ZMPSTE24: variants seen among roughly 807,000 people sequenced by gnomAD.
The protein encoded by ZMPSTE24 is CAAX prenyl protease 1 homolog.
ZMPSTE24 carries 48 observed loss-of-function variants against 56.7 expected under a neutral mutation model. The ratio of observed to expected loss-of-function variants is 0.85; its 90% confidence interval spans 0.67 to 1.08. The LOEUF (loss-of-function observed/expected upper bound fraction) is 1.08, where lower values mean the gene tolerates loss of function less well. Among genes scored for constraint, ZMPSTE24 ranks in the 50% least tolerant of loss-of-function variants. ZMPSTE24 has a pLI of 0.00. For synonymous variants in ZMPSTE24, 172 were observed against 195.2 expected, an observed-to-expected ratio of 0.88 and a Z score of 0.99; for missense variants, 503 against 548.7, an observed-to-expected ratio of 0.92 and a Z score of 0.83.
chr1:40,287,095 C>T (rs1474666214), intron 8 of ZMPSTE24, among the ~76,000 whole-genome samples: 1 of 147,408 alleles, frequency 6.8e-6, no homozygotes, highest in African/African-American at 2.5e-5. Context: ...GAAATGGGGT[C>T]TCTCTCTGTC....
rs1024612766 is a variant in ZMPSTE24 at position 40,293,188 on chromosome 1, G to A, written c.*519G>A. 3 of 153,402 alleles carry A rather than the reference G, an allele frequency of 2.0e-5. No individual in the cohort carries two copies. Among genetic ancestry groups the A allele is most frequent in the Non-Finnish European group, 4.4e-5 (3 of 68,926 alleles). The allele number at this position is 153,402 out of a possible 1,614,324, so 9.5% of individuals were successfully genotyped here. A position where few individuals can be genotyped will look rare whatever the true frequency, so the allele number is the denominator to read the frequency against. On this transcript the variant is annotated 3_prime_UTR_variant, in exon 10 of 10. Transcript: ENST00000372759. ...TAAGGCCAATGTTATTTAAATGAAA[G>A]TAGTTAGAAAAATGCTCTCCTATTC...
At chr1:40,285,470 C>G (rs1366614061) in intron 7 of ZMPSTE24, among the ~76,000 whole-genome samples, 1 of 152,148 alleles carries the variant, frequency 6.6e-6, no homozygotes, top group Non-Finnish European at 1.5e-5. Context: ...GAACTCCTGG[C>G]TTCAAGTTAT....
chr1:40,258,248 A>G lies in ZMPSTE24; in HGVS notation c.-24A>G, dbSNP rs1172689285. Reference sequence around the variant, plus strand: ...TCGGTGTGGCACCGGTGCACGCTGAAGGAGCCGGCGGAACCGGGTGGCCAT... The same window carrying G: ...TCGGTGTGGCACCGGTGCACGCTGAGGGAGCCGGCGGAACCGGGTGGCCAT... On this transcript the variant is annotated 5_prime_UTR_variant, in exon 1 of 10. Transcript: ENST00000372759. 1 of 1,612,302 alleles carries G rather than the reference A, an allele frequency of 6.2e-7. No homozygotes were observed. The highest frequency in any genetic ancestry group is 8.5e-7 in the Non-Finnish European group (1 of 1,179,832).
intron 7 of ZMPSTE24, among the ~76,000 whole-genome samples, chr1:40,285,216 C>T (rs1243441350): frequency 3.3e-5 from 5 of 152,010 alleles, no homozygotes; most frequent in African/African-American, 1.2e-4. Context: ...CTCTGATTCT[C>T]CTGCCTCAGC....
At chr1:40,291,021 T>G in intron 9 of ZMPSTE24, 24 bp downstream of exon 9, 1 of 1,612,844 alleles carries the variant, frequency 6.2e-7, no homozygotes, top group Non-Finnish European at 8.5e-7. Context: ...TTTAAAATTA[T>G]CACACATATG....
At chr1:40,286,149 C>T (rs892930616) in intron 8 of ZMPSTE24, 120 bp downstream of exon 8, 5 of 843,670 alleles carry the variant, frequency 5.9e-6, no homozygotes, top group Admixed American at 4.1e-5. Context: ...ACCTGGTTTC[C>T]TATCACAGCT....
At chr1:40,286,638 C>T (rs957012036) in intron 8 of ZMPSTE24, among the ~76,000 whole-genome samples, 5 of 151,648 alleles carry the variant, frequency 3.3e-5, no homozygotes, top group Non-Finnish European at 4.4e-5. Context: ...CCAGGCTGGT[C>T]TCGAACTCCT....
chr1:40,289,348 A>T (rs1343216534), intron 8 of ZMPSTE24, among the ~76,000 whole-genome samples: 1 of 152,360 alleles, frequency 6.6e-6, no homozygotes, highest in African/African-American at 2.4e-5. Flanking sequence ...ACAGTATCCC[A>T]TGGCCAGGAA....
intron 6 of ZMPSTE24, among the ~76,000 whole-genome samples, chr1:40,275,549 C>T (rs981374423): frequency 1.3e-5 from 2 of 151,798 alleles, no homozygotes; most frequent in African/African-American, 4.8e-5. Flanking sequence ...GTCAAGAGTT[C>T]GAGACCAGCC....
At chr1:40,273,516 T>TCAAAAAAAA (rs1208318399) in intron 6 of ZMPSTE24, among the ~76,000 whole-genome samples, 196 of 10,544 alleles carry the variant, frequency 0.019, 44 homozygotes, top group African/African-American at 0.035. Context: ...AAATTCTGTC[T>TCAAAAAAAA]AAAAAAAAAA....
chr1:40,291,075 G>C (rs1238736864), intron 9 of ZMPSTE24, 78 bp downstream of exon 9: 6 of 1,561,410 alleles, frequency 3.8e-6, no homozygotes, highest in African/African-American at 1.4e-5. Flanking sequence ...TAGTGAAAAA[G>C]GAAATAGAAC....
Position 40,293,677 on chromosome 1 carries a change from T to C in ZMPSTE24, c.*1008T>C, listed in dbSNP as rs1643863686. 1 of 152,248 alleles carries C rather than the reference T, an allele frequency of 6.6e-6. No homozygotes were observed. Among genetic ancestry groups the C allele is most frequent in the Admixed American group, 6.5e-5 (1 of 15,292 alleles). The allele number at this position is 152,248 out of a possible 1,614,324, so 9.4% of individuals were successfully genotyped here. ...TTTTTGTAATTTTATCTGTAAGTCA[T>C]AAATATTACTTAATCAGGCCTGATT... is the stretch of plus-strand genomic sequence containing the variant. On this transcript the variant is annotated 3_prime_UTR_variant, in exon 10 of 10. Coordinates refer to ENST00000372759, the MANE Select transcript of ZMPSTE24 (RefSeq NM_005857.5).
Position 40,268,541 on chromosome 1 carries a change from A to G in ZMPSTE24, c.474+6A>G, listed in dbSNP as rs1643579669. On this transcript the variant is annotated splice_donor_region_variant and intron_variant, in intron 4 of 9. Transcript: ENST00000372759. ...AACATGGCTTCAATCAACAGGTATA[A>G]TAAAGAATACAAATGTTCTCTTTTA... is the stretch of plus-strand genomic sequence containing the variant. 6.5e-7 allele frequency: 1 copy of G among 1,538,866 alleles called. No individual in the cohort carries two copies. The highest frequency in any genetic ancestry group is 9.0e-7 in the Non-Finnish European group (1 of 1,114,444).
chr1:40,282,798 G>A (rs1228918743), intron 7 of ZMPSTE24, among the ~76,000 whole-genome samples: 4 of 152,088 alleles, frequency 2.6e-5, no homozygotes, highest in African/African-American at 9.7e-5. Flanking sequence ...TCCCCACTAG[G>A]GGCCATTTCC....
At chr1:40,271,044 T>A (rs1406914642) in intron 5 of ZMPSTE24, among the ~76,000 whole-genome samples, 1 of 152,232 alleles carries the variant, frequency 6.6e-6, no homozygotes, top group Non-Finnish European at 1.5e-5. Flanking sequence ...GCTCTTCAGC[T>A]CCACTGATGA....
chr1:40,287,007 C>A (rs1349370699), intron 8 of ZMPSTE24, among the ~76,000 whole-genome samples: 3 of 152,052 alleles, frequency 2.0e-5, no homozygotes, highest in Non-Finnish European at 4.4e-5. Context: ...GCTGGGATTA[C>A]AGGCATGAGC....
intron 8 of ZMPSTE24, among the ~76,000 whole-genome samples, chr1:40,289,951 C>A (rs927557607): frequency 1.3e-5 from 2 of 152,152 alleles, no homozygotes; most frequent in African/African-American, 4.8e-5. Context: ...CACCCTTTTA[C>A]AGAGAGAAAA....
At chr1:40,276,320 G>A (rs532596444) in intron 6 of ZMPSTE24, among the ~76,000 whole-genome samples, 9 of 152,298 alleles carry the variant, frequency 5.9e-5, no homozygotes, top group Non-Finnish European at 1.0e-4. Context: ...GGTGTTCAGT[G>A]CTATCCATGA....
At chr1:40,270,205 C>G (rs1171775841) in intron 5 of ZMPSTE24, 78 bp downstream of exon 5, 2 of 1,515,686 alleles carry the variant, frequency 1.3e-6, no homozygotes, top group Non-Finnish European at 1.8e-6. Flanking sequence ...GGCATGTAAA[C>G]AGTTCTTAAG....
Sources: gnomAD v4.1 joint callset for allele counts (sites outside exome capture counted in the v4.1 genomes callset) on GRCh38, gnomAD v4.1.1 for gene constraint, MANE v1.5 for transcripts, NCBI Gene and HGNC (gene_info 2026-07-23, HGNC 2026-07-21) for gene names.